LRRC74B: variants seen among roughly 807,000 people sequenced by gnomAD.
The protein encoded by LRRC74B is leucine-rich repeat-containing protein 74B.
LRRC74B carries 30 observed loss-of-function variants against 16.6 expected under a neutral mutation model. The ratio of observed to expected loss-of-function variants is 1.80; its 90% CI spans 1.35 to 2.45. LRRC74B has a LOEUF of 2.45. Among genes scored for constraint, LRRC74B ranks in the 30% most tolerant of loss-of-function variants. LRRC74B has a pLI of 0.00. For missense variants in LRRC74B, 326 were observed against 202.4 expected, an observed-to-expected ratio of 1.61 and a Z score of -3.71; for synonymous variants, 134 against 86.0, an observed-to-expected ratio of 1.56 and a Z score of -3.09.
At chr22:21,053,312 G>C (rs1213149406) in intron 5 of LRRC74B, 48 bp from the exon 6 acceptor site, 1 of 705,392 alleles carries the variant, frequency 1.4e-6, no homozygotes, top group Non-Finnish European at 2.6e-6. Flanking sequence ...ACCCTGGCTT[G>C]CTCCACTGTC....
intron 8 of LRRC74B, among the ~76,000 whole-genome samples, 180 bp downstream of exon 8, chr22:21,057,380 C>T (rs1316866026): frequency 2.6e-5 from 4 of 152,220 alleles, no homozygotes; most frequent in African/African-American, 9.7e-5. Context: ...GCTCTGCCCG[C>T]TCCAGACTGC....
intron 5 of LRRC74B, among the ~76,000 whole-genome samples, chr22:21,052,692 C>A (rs959244906): frequency 1.3e-5 from 2 of 152,196 alleles, no homozygotes; most frequent in Non-Finnish European, 2.9e-5. Context: ...TGAGATGACA[C>A]CTTGCACCCT....
At chr22:21,048,163 T>G (rs1337766303) in intron 3 of LRRC74B, 147 bp downstream of exon 3, 1 of 650,418 alleles carries the variant, frequency 1.5e-6, no homozygotes, top group Non-Finnish European at 2.8e-6. Context: ...GGAGGGGGCA[T>G]GTGGGGTGGA....
chr22:21,051,854 C>A (rs936417177), intron 4 of LRRC74B, among the ~76,000 whole-genome samples: 1 of 152,128 alleles, frequency 6.6e-6, no homozygotes, highest in East Asian at 1.9e-4. Flanking sequence ...GTCTCCTCCC[C>A]ACTGTGCATA....
chr22:21,060,900 G>A (rs1339413936), downstream of LRRC74B, among the ~76,000 whole-genome samples: 2 of 152,150 alleles, frequency 1.3e-5, no homozygotes, highest in East Asian at 1.9e-4. Context: ...GAATGCAAAC[G>A]GGCACAGCCT....
At chr22:21,057,110 C>G (rs1316171905) in exon 8 of LRRC74B, 2 of 717,284 alleles carry the variant, frequency 2.8e-6, no homozygotes, top group Non-Finnish European at 5.2e-6. Flanking sequence ...CTCAGGTGTC[C>G]AGGAATCCCA....
chr22:21,053,613 C>T (rs1362505396), intron 6 of LRRC74B, 138 bp downstream of exon 6: 1 of 591,428 alleles, frequency 1.7e-6, no homozygotes, highest in Admixed American at 3.1e-5. Flanking sequence ...ATCCTTATCA[C>T]TGGAGTTTAT....
At chr22:21,055,503 G>A (rs534536694) in intron 7 of LRRC74B, among the ~76,000 whole-genome samples, 155 of 152,270 alleles carry the variant, frequency 1.0e-3, no homozygotes, top group Non-Finnish European at 2.0e-3. Flanking sequence ...GCCCCACCCA[G>A]GTGTTCTGTT....
chr22:21,062,265 G>A (rs1172407077), downstream of LRRC74B: 1 of 152,170 alleles, frequency 6.6e-6, no homozygotes, highest in African/African-American at 2.4e-5. Context: ...TGATAAAAGT[G>A]TTCTAAAATT....
intron 3 of LRRC74B, 40 bp from the exon 4 acceptor site, chr22:21,048,911 C>T (rs1929719395): frequency 2.8e-6 from 2 of 708,662 alleles, no homozygotes; most frequent in African/African-American, 1.7e-5. Flanking sequence ...GAGTGCCTGG[C>T]TTTGCATCCC....
At chr22:21,060,837 G>A (rs1386364588), downstream of LRRC74B, among the ~76,000 whole-genome samples, 9 of 152,128 alleles carry the variant, frequency 5.9e-5, no homozygotes, top group East Asian at 3.9e-4. Flanking sequence ...TCATGTTCTG[G>A]TGACCTCAGG....
chr22:21,059,791 G>C (rs1489627759), intron 8 of LRRC74B, among the ~76,000 whole-genome samples: 1 of 151,938 alleles, frequency 6.6e-6, no homozygotes. Context: ...ACCCCGCAAG[G>C]CCATCATGAA....
At chr22:21,052,795 G>C (rs407234) in intron 5 of LRRC74B, among the ~76,000 whole-genome samples, 90,917 of 152,070 alleles carry the variant, frequency 0.6, 29,987 homozygotes, top group Non-Finnish European at 0.76. Context: ...CTGGTGCTAG[G>C]GTGGTACAAG....
chr22:21,061,457 A>G (rs1194945920), downstream of LRRC74B, among the ~76,000 whole-genome samples: 5 of 152,266 alleles, frequency 3.3e-5, no homozygotes, highest in Admixed American at 6.5e-5. Context: ...TTAACCATTC[A>G]TGAAAATACA....
rs138800223 is a variant in LRRC74B at position 21,048,104 on chromosome 22, C to T, written c.415+88C>T. 1.1e-3 allele frequency: 768 copies of T among 700,798 alleles called. 4 individuals carry two copies. The Middle Eastern group carries it at 0.012, about 11-fold the overall frequency. 43.4% of individuals were successfully genotyped at this position (700,798 alleles called of 1,614,324 possible). ...CATCGTTGAAAGCTGGGCCGTGTCA[C>T]CTGGGGCCTGCTGGTGTTGCTGGTG... On this transcript the variant is annotated intron_variant, in intron 3 of 8. Transcript: ENST00000442047.
At chr22:21,048,689 C>A in intron 3 of LRRC74B, 2 of 489,778 alleles carry the variant, frequency 4.1e-6, no homozygotes, top group African/African-American at 1.9e-5. Context: ...GGTATAGCTG[C>A]CCCCCACCAC....
Position 21,050,398 on chromosome 22 carries a change from G to C in LRRC74B, c.622+1241G>C, listed in dbSNP as rs535458832. Among the ~76,000 whole-genome samples the C allele has an allele frequency of 8.5e-5, 13 of 152,226 alleles. No homozygotes were observed. In the East Asian group the frequency reaches 2.5e-3, roughly 29 times the overall value. ...GCTTAGAGCAAGTGGGGTGACATCA[G>C]CCTTGGCCTGTGAGAATTGCCTCTG... is the stretch of plus-strand genomic sequence containing the variant. On this transcript the variant is annotated intron_variant, in intron 4 of 8. Transcript: ENST00000442047.
At chr22:21,053,680 G>A (rs1278116881) in intron 6 of LRRC74B, 1 of 442,406 alleles carries the variant, frequency 2.3e-6, no homozygotes, top group African/African-American at 2.0e-5. Context: ...GTAGAGTGCA[G>A]TGCTGTGATC....
intron 7 of LRRC74B, among the ~76,000 whole-genome samples, chr22:21,056,282 G>A (rs578148210): frequency 1.3e-5 from 2 of 152,140 alleles, no homozygotes; most frequent in Admixed American, 6.5e-5. Flanking sequence ...CAGGCAGATC[G>A]CTTGAGGTCA....
Sources: allele counts gnomAD v4.1 joint callset (sites outside exome capture counted in the v4.1 genomes callset), GRCh38; gene constraint gnomAD v4.1.1; transcripts MANE v1.5; gene names NCBI Gene and HGNC (gene_info 2026-07-23, HGNC 2026-07-21).